ALPL: variants seen among roughly 807,000 people sequenced by gnomAD.
ALPL encodes the protein alkaline phosphatase, tissue-nonspecific isozyme.
In ALPL, 42 loss-of-function variants were observed where a neutral mutation model predicts 51.3. The ratio of observed to expected loss-of-function variants is 0.82; its 90% CI spans 0.64 to 1.06. ALPL has a LOEUF of 1.06. Among genes scored for constraint, ALPL ranks in the 50% least tolerant of loss-of-function variants. The pLI is 0.00. For missense variants in ALPL, 589 were observed against 709.4 expected (o/e 0.83, Z 1.93); for synonymous variants, 279 against 296.4 (o/e 0.94, Z 0.60).
intron 8 of ALPL, 54 bp downstream of exon 8, chr1:21,570,428 G>T: frequency 6.3e-7 from 1 of 1,574,850 alleles, no homozygotes; most frequent in Non-Finnish European, 8.7e-7. Flanking sequence ...GGTGGCCGGA[G>T]CTGCGTGTGG....
At chr1:21,552,742 ATG>A (rs1644349637) in intron 1 of ALPL, among the ~76,000 whole-genome samples, 1 of 152,134 alleles carries the variant, frequency 6.6e-6, no homozygotes, top group Non-Finnish European at 1.5e-5. Context: ...CTTTTAAAAA[ATG>A]TTTTATTTTG....
At chr1:21,559,772 G>A (rs1344708534) in intron 2 of ALPL, among the ~76,000 whole-genome samples, 6 of 152,142 alleles carry the variant, frequency 3.9e-5, no homozygotes, top group African/African-American at 9.7e-5. Flanking sequence ...TGCCTGCCTC[G>A]GCCTTCCAAA....
At chr1:21,526,659 T>C (rs1243449641) in intron 1 of ALPL, among the ~76,000 whole-genome samples, 1 of 152,226 alleles carries the variant, frequency 6.6e-6, no homozygotes, top group African/African-American at 2.4e-5. Context: ...ATGTGGTCTA[T>C]GTGAAAACTT....
chr1:21,576,664 C>T, intron 11 of ALPL, 23 bp downstream of exon 11: 1 of 1,613,160 alleles, frequency 6.2e-7, no homozygotes, highest in Non-Finnish European at 8.5e-7. Flanking sequence ...GGACCCAGGG[C>T]TGGGAGGGGA....
chr1:21,522,250 T>G (rs1299427971), intron 1 of ALPL, among the ~76,000 whole-genome samples: 1 of 151,764 alleles, frequency 6.6e-6, no homozygotes, highest in Non-Finnish European at 1.5e-5. Context: ...TTTTGTTGTA[T>G]TTTTTAGTAG....
At chr1:21,513,708 G>A (rs146782550) in intron 1 of ALPL, among the ~76,000 whole-genome samples, 33 of 152,212 alleles carry the variant, frequency 2.2e-4, no homozygotes, top group Admixed American at 1.8e-3. Flanking sequence ...TGACTTTTGC[G>A]GTGATTAAAC....
At chr1:21,554,807 G>GTCTTTCTT (rs1277937170) in intron 2 of ALPL, among the ~76,000 whole-genome samples, 13 of 28,236 alleles carry the variant, frequency 4.6e-4, no homozygotes, top group Non-Finnish European at 9.9e-4. Context: ...CTGTCTGTCT[G>GTCTTTCTT]TCTGTCTGTC....
rs369690542 is a variant in ALPL at position 21,554,788 on chromosome 1, CCTGT to C, written c.61+673_61+676del. ...TACAGGCGTGAGCCACCGCGCCTGG[CCTGT>C]CTGTCTGTCTGTCTGTCTGTCTGTC... On this transcript the variant is annotated intron_variant, in intron 2 of 11. Coordinates refer to ENST00000374840, the MANE Select transcript of ALPL (RefSeq NM_000478.6). 4.3e-3 allele frequency among the ~76,000 whole-genome samples: 488 copies of C among 114,550 alleles called. 13 individuals are homozygous for C. Among genetic ancestry groups the C allele is most frequent in the African/African-American group, 0.012 (337 of 27,256 alleles). 75.1% of individuals were successfully genotyped at this position (114,550 alleles called of 152,430 possible).
chr1:21,520,826 G>A (rs952367358), intron 1 of ALPL, among the ~76,000 whole-genome samples: 1 of 152,110 alleles, frequency 6.6e-6, no homozygotes, highest in Non-Finnish European at 1.5e-5. Context: ...TTGCAAAGTG[G>A]GAGACTGAGG....
rs200133602 is a variant in ALPL, at chr1:21,573,763, C to A, written c.961C>A (p.Arg321=). The change falls in exon 9 of 12, where the codon CGG becomes AGG. Residue 321 remains arginine (R), a synonymous_variant. Transcript: ENST00000374840. ...EMVVVAIQIL[R]KNPKGFFLLV... is the part of the protein sequence containing the mutation. The stretch of plus-strand genomic sequence containing the variant: ...GGTGGTGGTGGCCATCCAGATCCTG[C>A]GGAAGAACCCCAAAGGCTTCTTCTT... 1 of 1,613,996 alleles carries A rather than the reference C, an allele frequency of 6.2e-7. No homozygotes were observed. Among genetic ancestry groups the A allele is most frequent in the Non-Finnish European group, 8.5e-7 (1 of 1,180,040 alleles).
At chr1:21,509,057 G>A (rs1441552502), upstream of ALPL, among the ~76,000 whole-genome samples, 1 of 152,070 alleles carries the variant, frequency 6.6e-6, no homozygotes, top group Non-Finnish European at 1.5e-5. This position sits in a 1 kb window ranked among gnomAD's most constrained non-coding sequence, Gnocchi z 6.0. Context: ...ACCAAGAGAC[G>A]CAGAAGGAAG....
chr1:21,523,066 A>G (rs1320514360), intron 1 of ALPL, among the ~76,000 whole-genome samples: 1 of 152,156 alleles, frequency 6.6e-6, no homozygotes, highest in Non-Finnish European at 1.5e-5. Flanking sequence ...TGGGTGGATC[A>G]CCTGAGGTCA....
intron 1 of ALPL, among the ~76,000 whole-genome samples, chr1:21,519,401 G>A (rs148640553): frequency 1.9e-3 from 287 of 152,342 alleles, no homozygotes; most frequent in East Asian, 0.011. Context: ...TGATGAGTGC[G>A]ATACGTCTTT....
At chr1:21,543,956 G>T (rs1380092176) in intron 1 of ALPL, among the ~76,000 whole-genome samples, 1 of 152,170 alleles carries the variant, frequency 6.6e-6, no homozygotes, top group Non-Finnish European at 1.5e-5. Flanking sequence ...GATGGGGAAG[G>T]CCCCCGGCTG....
chr1:21,554,016 A>ACCCCCCC lies in ALPL; in HGVS notation c.-61_-60insCCCCCCC. 1 of 615,582 alleles carries ACCCCCCC rather than the reference A, an allele frequency of 1.6e-6. No individual in the cohort carries two copies. The allele number at this position is 615,582 out of a possible 1,614,324, so 38.1% of individuals were successfully genotyped here. A position where few individuals can be genotyped will look rare whatever the true frequency, so the allele number is the denominator to read the frequency against. On this transcript the variant is annotated 5_prime_UTR_variant, in exon 2 of 12. Transcript: ENST00000374840. ...GTTAACATCTGACCACTGCCAGCCC[A>ACCCCCCC]CCCCCTCCCACCCACGTCGATTGCA...
rs527923033 is a variant in ALPL at position 21,516,100 on chromosome 1, G to A, written c.-105+6583G>A. Among the ~76,000 whole-genome samples, 785 of 152,114 alleles carry A rather than the reference G, an allele frequency of 5.2e-3. 8 individuals carry two copies. Among genetic ancestry groups the A allele is most frequent in the African/African-American group, 0.018 (754 of 41,486 alleles). On this transcript the variant is annotated intron_variant, in intron 1 of 11. Coordinates refer to ENST00000374840, the MANE Select transcript of ALPL (RefSeq NM_000478.6). ...TTGCAATGTTGCCCAGGCTGGTTTC[G>A]AACTCCTGGGCTCAAGTGATCCTCC...
intron 6 of ALPL, among the ~76,000 whole-genome samples, chr1:21,566,357 C>T (rs536742932): frequency 2.6e-5 from 4 of 152,308 alleles, no homozygotes; most frequent in African/African-American, 9.6e-5. Flanking sequence ...GATCTTGGCT[C>T]ACTGCAGCCT....
intron 2 of ALPL, among the ~76,000 whole-genome samples, chr1:21,554,701 AG>A (rs1644376865): frequency 6.6e-6 from 1 of 151,256 alleles, no homozygotes; most frequent in African/African-American, 2.4e-5. Context: ...CGTGTTAGCC[AG>A]GATGGTCTCG....
chr1:21,542,749 A>C (rs1644203185), intron 1 of ALPL, among the ~76,000 whole-genome samples: 1 of 152,026 alleles, frequency 6.6e-6, no homozygotes, highest in African/African-American at 2.4e-5. Flanking sequence ...AAGGCATGAG[A>C]ATCGCTTGAA....
Sources: gnomAD v4.1 joint callset for allele counts (sites outside exome capture counted in the v4.1 genomes callset) on GRCh38, gnomAD v4.1.1 for gene constraint, Gnocchi (gnomAD v3.1) non-coding constraint, MANE v1.5 for transcripts, NCBI Gene and HGNC (gene_info 2026-07-23, HGNC 2026-07-21) for gene names.